Variants in FBLN2 observed in about 807,000 individuals in gnomAD.
The protein encoded by FBLN2 is fibulin 2.
In FBLN2, 81 loss-of-function variants were observed where a neutral mutation model predicts 123.7. The ratio of observed to expected loss-of-function variants is 0.65; its 90% CI spans 0.55 to 0.79. FBLN2 has a LOEUF of 0.79. Ranked by LOEUF, FBLN2 falls within the 30% of genes least tolerant of loss-of-function variation. FBLN2 has a pLI of 0.00. For missense variants in FBLN2, 1,603 were observed against 1,681.3 expected, an observed-to-expected ratio of 0.95 and a Z score of 0.81; for synonymous variants, 699 against 701.4, an observed-to-expected ratio of 1.00 and a Z score of 0.05.
intron 1 of FBLN2, among the ~76,000 whole-genome samples, chr3:13,552,506 C>T (rs1052902971): frequency 4.6e-5 from 7 of 152,118 alleles, no homozygotes; most frequent in Admixed American, 6.5e-5. Flanking sequence ...TGCAGGTGTC[C>T]GTGTGGCTGC....
At chr3:13,585,071 C>G (rs1331118440) in intron 2 of FBLN2, among the ~76,000 whole-genome samples, 1 of 152,212 alleles carries the variant, frequency 6.6e-6, no homozygotes, top group African/African-American at 2.4e-5. Flanking sequence ...CCTCATCTGT[C>G]ACCGTGTGGC....
chr3:13,622,026 T>G (rs982632956), intron 9 of FBLN2, 111 bp downstream of exon 9: 141 of 1,272,952 alleles, frequency 1.1e-4, no homozygotes, highest in Non-Finnish European at 1.5e-4. Context: ...GCATGTGAGC[T>G]CTCAGCACAG....
intron 16 of FBLN2, among the ~76,000 whole-genome samples, chr3:13,632,614 A>G (rs1271333117): frequency 6.6e-6 from 1 of 152,160 alleles, no homozygotes; most frequent in African/African-American, 2.4e-5. Context: ...GTGGCGTGGC[A>G]TGGGGCAGGT....
At chr3:13,584,739 G>A (rs946350240) in intron 2 of FBLN2, among the ~76,000 whole-genome samples, 5 of 152,190 alleles carry the variant, frequency 3.3e-5, no homozygotes, top group Non-Finnish European at 5.9e-5. Context: ...GAGGATGGCC[G>A]TGCGGGTATG....
intron 5 of FBLN2, among the ~76,000 whole-genome samples, chr3:13,615,024 GCATC>G (rs1213882151): frequency 1.4e-5 from 2 of 138,362 alleles, no homozygotes; most frequent in African/African-American, 5.7e-5. Context: ...ATCCATCCAT[GCATC>G]CATCCTCGTT....
chr3:13,629,031 A>C lies in FBLN2; in HGVS notation c.2696A>C (p.Asp899Ala). ...ICARGYHASD[D>A]GTKCVDVNEC... Reference sequence around the variant, plus strand: ...GCGCGCGGCTACCACGCCAGCGATGATGGGACCAAGTGTGTGGGTAAGGCC... The same window carrying C: ...GCGCGCGGCTACCACGCCAGCGATGCTGGGACCAAGTGTGTGGGTAAGGCC... Residue 899 changes from aspartate to alanine, a missense_variant, in exon 12 of 18, where the codon GAT becomes GCT. Physicochemically the swap from Asp to Ala is moderately radical, Grantham distance 126. Transcript: ENST00000404922. 1 of 1,613,266 alleles carries C rather than the reference A, an allele frequency of 6.2e-7. No individual in the cohort carries two copies. Among genetic ancestry groups the C allele is most frequent in the Non-Finnish European group, 8.5e-7 (1 of 1,179,730 alleles).
chr3:13,627,280 C>T (rs546259166), intron 10 of FBLN2, among the ~76,000 whole-genome samples: 31 of 152,236 alleles, frequency 2.0e-4, no homozygotes, highest in Non-Finnish European at 5.9e-5. Flanking sequence ...GCACTCTTGG[C>T]ATGTTCCAGA....
chr3:13,604,466 C>T (rs546186847), intron 2 of FBLN2, among the ~76,000 whole-genome samples: 76 of 152,232 alleles, frequency 5.0e-4, no homozygotes, highest in Middle Eastern at 3.4e-3. Flanking sequence ...AGCCAGTTTT[C>T]CCAGCACCGT....
At position 13,609,632 on chromosome 3, in the gene FBLN2, C is replaced by G; in HGVS notation, c.1538C>G (p.Ser513Cys). The change falls in exon 4 of 18, where the codon TCC becomes TGC. Residue 513 changes from serine to cysteine, a missense_variant. Transcript: ENST00000404922. The part of the protein sequence containing the change: ...GAEDNDSCGI[S>C]LYKQCCDCCG... ...GAGGACAACGACAGCTGCGGCATCT[C>G]CCTGTACAAGGCAAGCCTGACCTGT... 6.4e-7 allele frequency: 1 copy of G among 1,562,492 alleles called. No individual in the cohort carries two copies. The highest frequency in any genetic ancestry group is 8.7e-7 in the Non-Finnish European group (1 of 1,153,862).
chr3:13,633,361 AGT>A (rs766007046), intron 16 of FBLN2, among the ~76,000 whole-genome samples: 2 of 152,234 alleles, frequency 1.3e-5, no homozygotes, highest in African/African-American at 2.4e-5. Context: ...GCAGGCCCCC[AGT>A]GTGCCACCAG....
intron 1 of FBLN2, among the ~76,000 whole-genome samples, chr3:13,565,622 T>C (rs141196283): frequency 1.2e-3 from 183 of 152,344 alleles, no homozygotes; most frequent in African/African-American, 4.1e-3. Flanking sequence ...CCGTGATATA[T>C]GTTACGCACA....
At chr3:13,591,412 C>T (rs1442123961) in intron 2 of FBLN2, among the ~76,000 whole-genome samples, 2 of 152,216 alleles carry the variant, frequency 1.3e-5, no homozygotes, top group African/African-American at 4.8e-5. Context: ...GAAGTATCAT[C>T]TATTGATCTA....
intron 2 of FBLN2, among the ~76,000 whole-genome samples, chr3:13,596,543 G>A (rs550552764): frequency 2.9e-4 from 44 of 152,268 alleles, no homozygotes; most frequent in African/African-American, 9.9e-4. Context: ...ACACTGCAAT[G>A]CATTTTTATT....
At chr3:13,620,065 GC>G (rs1300553857) in intron 8 of FBLN2, among the ~76,000 whole-genome samples, 1 of 152,168 alleles carries the variant, frequency 6.6e-6, no homozygotes, top group Non-Finnish European at 1.5e-5. Flanking sequence ...TAGGAATGGG[GC>G]CCGGGCTCCT....
At chr3:13,600,980 A>G (rs1705013811) in intron 2 of FBLN2, among the ~76,000 whole-genome samples, 1 of 152,194 alleles carries the variant, frequency 6.6e-6, no homozygotes, top group Non-Finnish European at 1.5e-5. Context: ...CACAGTGATC[A>G]CATCAGGGTG....
chr3:13,608,146 A>G lies in FBLN2; in HGVS notation c.1391A>G (p.Glu464Gly), dbSNP rs368681183. The G allele has an allele frequency of 2.5e-6, 4 of 1,595,376 alleles. No individual in the cohort carries two copies. The African/African-American group carries it at 5.4e-5, about 21-fold the overall frequency. Residue 464 changes from glutamate (E) to glycine (G), a missense_variant, in exon 3 of 18, where the codon GAG (glutamate) becomes GGG (glycine). Transcript: ENST00000404922. Reference sequence around the variant, plus strand: ...AATGACGAGTGCCTGGAGATCCCTGAGAGTGGCACTGAGGACAACGTCTGC... The same window carrying G: ...AATGACGAGTGCCTGGAGATCCCTGGGAGTGGCACTGAGGACAACGTCTGC... Reference protein sequence around the residue: ...IDNDECLEIPESGTEDNVCRT... With the variant: ...IDNDECLEIPGSGTEDNVCRT...
At chr3:13,555,755 C>T (rs1391591468) in intron 1 of FBLN2, among the ~76,000 whole-genome samples, 2 of 152,180 alleles carry the variant, frequency 1.3e-5, no homozygotes, top group Admixed American at 6.5e-5. Flanking sequence ...TGCCCAGCAC[C>T]CTGGTTTTTA....
intron 9 of FBLN2, among the ~76,000 whole-genome samples, chr3:13,624,875 A>G (rs1047650553): frequency 2.0e-5 from 3 of 152,266 alleles, no homozygotes; most frequent in African/African-American, 7.2e-5. Flanking sequence ...GAGGGGGTAG[A>G]TGGGTCAGCC....
At chr3:13,575,450 T>G (rs1313108593) in intron 2 of FBLN2, among the ~76,000 whole-genome samples, 4 of 152,134 alleles carry the variant, frequency 2.6e-5, no homozygotes, top group Admixed American at 2.6e-4. Context: ...GTCCCTGCCC[T>G]AACTCTGGTC....
Sources: allele counts gnomAD v4.1 joint callset (sites outside exome capture counted in the v4.1 genomes callset), GRCh38; gene constraint gnomAD v4.1.1; transcripts MANE v1.5; gene names NCBI Gene and HGNC (gene_info 2026-07-23, HGNC 2026-07-21).